THAP4: variants seen among roughly 807,000 people sequenced by gnomAD.
THAP4 encodes THAP domain containing 4.
In THAP4, 18 loss-of-function variants were observed where a neutral mutation model predicts 48.1. The ratio of observed to expected loss-of-function variants is 0.37; its 90% CI spans 0.26 to 0.56. The LOEUF (loss-of-function observed/expected upper bound fraction) is 0.56, where lower values mean the gene tolerates loss of function less well. Ranked by LOEUF, THAP4 falls within the 20% of genes least tolerant of loss-of-function variation. The pLI is 0.78. For missense variants in THAP4, 656 were observed against 774.9 expected (o/e 0.85, Z 1.82); for synonymous variants, 345 against 324.9 (o/e 1.06, Z -0.66).
intron 2 of THAP4, among the ~76,000 whole-genome samples, chr2:241,621,849 C>T (rs1363246762): frequency 4.0e-5 from 6 of 151,728 alleles, no homozygotes; most frequent in African/African-American, 1.5e-4. Context: ...CTGCAGAAAA[C>T]CAAAGACTAA....
chr2:241,636,786 C>T (rs556257561), intron 1 of THAP4, among the ~76,000 whole-genome samples, 155 bp downstream of exon 1: 314 of 148,904 alleles, frequency 2.1e-3, no homozygotes, highest in African/African-American at 7.4e-3. Context: ...AGACGGCGGC[C>T]GGGCCAAGGT....
At chr2:241,602,149 C>T (rs1378854280) in intron 4 of THAP4, 150 bp from the exon 5 acceptor site, 1 of 714,020 alleles carries the variant, frequency 1.4e-6, no homozygotes, top group African/African-American at 1.8e-5. Context: ...CCCCACTTCA[C>T]CCTGTGGATA....
chr2:241,619,579 A>G (rs1404837229), intron 2 of THAP4, among the ~76,000 whole-genome samples: 1 of 152,250 alleles, frequency 6.6e-6, no homozygotes, highest in Non-Finnish European at 1.5e-5. Context: ...AAAATATGGC[A>G]TAAGAGACAA....
At chr2:241,623,821 T>C (rs535035328) in intron 2 of THAP4, among the ~76,000 whole-genome samples, 44 of 152,252 alleles carry the variant, frequency 2.9e-4, no homozygotes, top group Non-Finnish European at 6.2e-4. Flanking sequence ...CAGGCCTATA[T>C]TGAATATATG....
Position 241,606,719 on chromosome 2 carries a change from A to G in THAP4, c.1241-246T>C, listed in dbSNP as rs1204953880. On this transcript the variant is annotated intron_variant, in intron 2 of 5. Transcript: ENST00000407315. ...AACAGGGGCCAGGCAGGGCGCAAGC[A>G]AAGAGGCCTACACTGCTATCTCCCT... Among the ~76,000 whole-genome samples the G allele has an allele frequency of 3.3e-5, 5 of 152,324 alleles. No individual in the cohort carries two copies. The East Asian group carries it at 9.6e-4, about 29-fold the overall frequency.
intron 2 of THAP4, among the ~76,000 whole-genome samples, chr2:241,614,944 T>C: frequency 6.6e-6 from 1 of 152,106 alleles, no homozygotes; most frequent in Non-Finnish European, 1.5e-5. Flanking sequence ...CTTCTTCAAG[T>C]TCCTCTGGAA....
chr2:241,613,981 A>G lies in THAP4; in HGVS notation c.1241-7508T>C, dbSNP rs2067308738. 2.6e-5 allele frequency among the ~76,000 whole-genome samples: 4 copies of G among 151,940 alleles called. No individual in the cohort carries two copies. In the South Asian group the frequency reaches 6.2e-4, roughly 24 times the overall value. ...AGCCTGGGCAACATAGTGAAACCCC[A>G]TCTCTACCAGAAATACAAAAAAATT... On this transcript the variant is annotated intron_variant, in intron 2 of 5. Coordinates refer to ENST00000407315, the MANE Select transcript of THAP4 (RefSeq NM_015963.6).
intron 2 of THAP4, 119 bp from the exon 3 acceptor site, chr2:241,606,592 G>C: frequency 9.9e-7 from 1 of 1,010,570 alleles, no homozygotes; most frequent in Non-Finnish European, 1.4e-6. Context: ...TAATCCTGGG[G>C]GACCTGTCAA....
intron 2 of THAP4, among the ~76,000 whole-genome samples, chr2:241,609,823 G>C (rs2067240976): frequency 6.6e-6 from 1 of 152,192 alleles, no homozygotes; most frequent in South Asian, 2.1e-4. Context: ...CAAACCTCAG[G>C]TTTTTGGGCC....
chr2:241,629,829 G>A (rs1297509238), intron 2 of THAP4, among the ~76,000 whole-genome samples: 1 of 151,622 alleles, frequency 6.6e-6, no homozygotes, highest in Non-Finnish European at 1.5e-5. Flanking sequence ...AACCACAGGG[G>A]AGGTCTACCT....
chr2:241,598,862 C>G (rs2067080462), intron 5 of THAP4, among the ~76,000 whole-genome samples: 1 of 151,880 alleles, frequency 6.6e-6, no homozygotes, highest in East Asian at 1.9e-4. Context: ...TCTTGGCATA[C>G]TAGAAACTGA....
intron 2 of THAP4, among the ~76,000 whole-genome samples, chr2:241,620,533 CGGTGACTGAGG>C (rs1449670053): frequency 5.0e-5 from 5 of 100,764 alleles, no homozygotes; most frequent in East Asian, 3.0e-4. Context: ...GTGAGTGAGT[CGGTGACTGAGG>C]GGTGAGTGAG....
At chr2:241,590,422 A>C (rs74197115) in intron 5 of THAP4, among the ~76,000 whole-genome samples, 4 of 27,170 alleles carry the variant, frequency 1.5e-4, no homozygotes, top group African/African-American at 4.5e-4. Context: ...GGCTGATGAT[A>C]ATGGGCACTA....
At chr2:241,611,724 C>CA (rs556777493) in intron 2 of THAP4, among the ~76,000 whole-genome samples, 1,292 of 97,582 alleles carry the variant, frequency 0.013, 9 homozygotes, top group Middle Eastern at 0.026. Context: ...ACTCTGTCTC[C>CA]AAAAAAAAAA....
intron 2 of THAP4, among the ~76,000 whole-genome samples, chr2:241,628,360 C>T (rs1452222321): frequency 6.6e-6 from 1 of 151,744 alleles, no homozygotes; most frequent in Non-Finnish European, 1.5e-5. Context: ...TCCCAGAGGC[C>T]AGCTGCTGGC....
In THAP4 at chr2:241,633,291, A is replaced by G; in HGVS notation, c.866T>C (p.Leu289Pro). The change falls in exon 2 of 6, where the codon CTT becomes CCT. Residue 289 changes from leucine (L) to proline (P), a missense_variant. Coordinates refer to ENST00000407315, the MANE Select transcript of THAP4 (RefSeq NM_015963.6). This position sits in a 1 kb window ranked among gnomAD's most constrained non-coding sequence, Gnocchi z 7.5. ...GLAQSPPSSSLTATPQKPSQS... is the reference protein window; with the variant it reads ...GLAQSPPSSSPTATPQKPSQS... ...GGAAGGCTTCTGCGGTGTCGCGGTA[A>G]GTGATGAGCTGGGAGGGCTCTGGGC... 1 of 1,611,936 alleles carries G rather than the reference A, an allele frequency of 6.2e-7. No individual in the cohort carries two copies. The highest frequency in any genetic ancestry group is 8.5e-7 in the Non-Finnish European group (1 of 1,179,966).
intron 4 of THAP4, 194 bp from the exon 5 acceptor site, chr2:241,602,193 G>A: frequency 1.6e-6 from 1 of 613,082 alleles, no homozygotes; most frequent in Non-Finnish European, 2.9e-6. Context: ...TCACAGAACA[G>A]GCAGGTGCTC....
intron 2 of THAP4, among the ~76,000 whole-genome samples, chr2:241,625,195 C>T (rs181555727): frequency 1.2e-3 from 178 of 152,218 alleles, no homozygotes; most frequent in African/African-American, 4.2e-3. Context: ...AAACTACAGG[C>T]CGGGTGTGGT....
At chr2:241,603,201 T>C in intron 3 of THAP4, 122 bp from the exon 4 acceptor site, 1 of 713,780 alleles carries the variant, frequency 1.4e-6, no homozygotes, top group Admixed American at 2.1e-5. Flanking sequence ...CCCGCACACC[T>C]GTCTGCCCCT....
Sources: gnomAD v4.1 joint callset for allele counts (sites outside exome capture counted in the v4.1 genomes callset) on GRCh38, gnomAD v4.1.1 for gene constraint, Gnocchi (gnomAD v3.1) non-coding constraint, MANE v1.5 for transcripts, NCBI Gene and HGNC (gene_info 2026-07-23, HGNC 2026-07-21) for gene names.